ATXN7L1: variants seen among roughly 807,000 people sequenced by gnomAD.
The protein encoded by ATXN7L1 is ataxin 7 like 1.
A neutral mutation model predicts 70.8 loss-of-function variants in ATXN7L1; 15 were observed. The ratio of observed to expected loss-of-function variants is 0.21; its 90% confidence interval spans 0.14 to 0.33. ATXN7L1 has a LOEUF of 0.33. Among genes scored for constraint, ATXN7L1 ranks in the 10% least tolerant of loss-of-function variants. The pLI, the probability that ATXN7L1 is intolerant of heterozygous loss-of-function variation, is 1.00. For missense variants in ATXN7L1, 975 were observed against 1,097.1 expected (o/e 0.89, Z 1.57); for synonymous variants, 440 against 445.1 (o/e 0.99, Z 0.14).
intron 4 of ATXN7L1, among the ~76,000 whole-genome samples, chr7:105,664,166 CT>C (rs2116060026): frequency 6.6e-6 from 1 of 152,182 alleles, no homozygotes; most frequent in East Asian, 1.9e-4. Context: ...AATTAGTTGC[CT>C]CTGCTGGTGG....
At chr7:105,805,167 A>G (rs1807381143) in intron 2 of ATXN7L1, among the ~76,000 whole-genome samples, 1 of 152,240 alleles carries the variant, frequency 6.6e-6, no homozygotes, top group South Asian at 2.1e-4. Flanking sequence ...ATGGGATGGC[A>G]TAAAGTGACA....
At chr7:105,736,600 C>T (rs186936780) in intron 3 of ATXN7L1, among the ~76,000 whole-genome samples, 1 of 152,222 alleles carries the variant, frequency 6.6e-6, no homozygotes, top group African/African-American at 2.4e-5. Flanking sequence ...AAAGTTTGGG[C>T]AAAAAGTCTC....
intron 3 of ATXN7L1, among the ~76,000 whole-genome samples, chr7:105,669,811 C>T (rs962160126): frequency 1.2e-4 from 18 of 150,852 alleles, no homozygotes; most frequent in South Asian, 6.3e-4. Context: ...CCCAGCTACT[C>T]GGGAGGCTGA....
chr7:105,727,777 T>TATATACAC lies in ATXN7L1; in HGVS notation c.355+60826_355+60827insGTGTATAT, dbSNP rs1462125950. Among the ~76,000 whole-genome samples, 72 of 90,198 alleles carry TATATACAC rather than the reference T, an allele frequency of 8.0e-4. 1 individual carries two copies. Among genetic ancestry groups the TATATACAC allele is most frequent in the Admixed American group, 3.0e-3 (26 of 8,722 alleles). The allele number at this position is 90,198 out of a possible 152,430, so 59.2% of individuals were successfully genotyped here. A position where few individuals can be genotyped will look rare whatever the true frequency, so the allele number is the denominator to read the frequency against. ...ATATATATATATATATATATATATA[T>TATATACAC]ACACACACATACACACATATATATA... On this transcript the variant is annotated intron_variant, in intron 3 of 11. Transcript: ENST00000419735.
intron 3 of ATXN7L1, among the ~76,000 whole-genome samples, chr7:105,745,933 C>T (rs967260553): frequency 5.3e-5 from 8 of 152,190 alleles, no homozygotes; most frequent in African/African-American, 1.7e-4. Flanking sequence ...AACATTGACT[C>T]AGCACCTCTA....
chr7:105,788,484 T>C (rs1804649271), intron 3 of ATXN7L1, 120 bp downstream of exon 3: 1 of 811,086 alleles, frequency 1.2e-6, no homozygotes, highest in Non-Finnish European at 2.1e-6. Flanking sequence ...CAGGAAGACT[T>C]TACCCACAGC....
intron 5 of ATXN7L1, 101 bp from the exon 6 acceptor site, chr7:105,639,670 G>T (rs1797887788): frequency 1.3e-6 from 1 of 786,836 alleles, no homozygotes; most frequent in Non-Finnish European, 2.0e-6. Context: ...GCACCAACAA[G>T]TGAGACATTG....
rs190961073 is a variant in ATXN7L1, at chr7:105,605,660, G to A, written c.*2192C>T. 3.2e-4 allele frequency: 49 copies of A among 152,188 alleles called. No individual in the cohort carries two copies. Among genetic ancestry groups the A allele is most frequent in the African/African-American group, 1.2e-3 (49 of 41,524 alleles). The allele number at this position is 152,188 out of a possible 1,614,324, so 9.4% of individuals were successfully genotyped here. A position where few individuals can be genotyped will look rare whatever the true frequency, so the allele number is the denominator to read the frequency against. On this transcript the variant is annotated 3_prime_UTR_variant, in exon 12 of 12. Transcript: ENST00000419735. ...AGTTTATAAATCAGAGGGTTATTTTGTTGTGGAGATTTTGTTTTTTGTTTT... is the reference window on the plus strand; with the variant it reads ...AGTTTATAAATCAGAGGGTTATTTTATTGTGGAGATTTTGTTTTTTGTTTT...
intron 7 of ATXN7L1, among the ~76,000 whole-genome samples, chr7:105,637,982 C>G (rs1797635110): frequency 6.6e-6 from 1 of 152,202 alleles, no homozygotes; most frequent in African/African-American, 2.4e-5. Flanking sequence ...AAAGCCCAGG[C>G]AGCCAGGAAG....
chr7:105,827,429 A>G (rs901325265), intron 2 of ATXN7L1, among the ~76,000 whole-genome samples: 9 of 152,250 alleles, frequency 5.9e-5, no homozygotes, highest in African/African-American at 2.2e-4. Flanking sequence ...GAGTATTCAC[A>G]GTTCAGAGAC....
At chr7:105,803,275 A>G (rs1807086715) in intron 2 of ATXN7L1, among the ~76,000 whole-genome samples, 1 of 152,244 alleles carries the variant, frequency 6.6e-6, no homozygotes, top group Admixed American at 6.5e-5. Flanking sequence ...CATCCACACC[A>G]CAGGGCTCTG....
intron 2 of ATXN7L1, among the ~76,000 whole-genome samples, chr7:105,860,676 TC>T (rs1298674532): frequency 6.6e-6 from 1 of 152,214 alleles, no homozygotes; most frequent in Non-Finnish European, 1.5e-5. Flanking sequence ...CATGTGAATG[TC>T]CTTGACACTA....
At chr7:105,626,714 G>A (rs745728288) in intron 7 of ATXN7L1, among the ~76,000 whole-genome samples, 1 of 151,970 alleles carries the variant, frequency 6.6e-6, no homozygotes, top group Non-Finnish European at 1.5e-5. Context: ...TCTGCTTACC[G>A]CTGAAGACCC....
chr7:105,863,855 AAAAAC>A (rs747626908), intron 2 of ATXN7L1, among the ~76,000 whole-genome samples: 42 of 152,224 alleles, frequency 2.8e-4, no homozygotes, highest in African/African-American at 8.4e-4. Context: ...ATTGTTACTT[AAAAAC>A]AAAACAAAAC....
At chr7:105,867,131 T>C (rs969997687) in intron 2 of ATXN7L1, among the ~76,000 whole-genome samples, 2 of 152,078 alleles carry the variant, frequency 1.3e-5, no homozygotes, top group African/African-American at 2.4e-5. Flanking sequence ...GGCCTCACAG[T>C]CTTAACTGAT....
intron 3 of ATXN7L1, among the ~76,000 whole-genome samples, chr7:105,748,521 T>C (rs1313998892): frequency 6.6e-6 from 1 of 152,244 alleles, no homozygotes; most frequent in Non-Finnish European, 1.5e-5. Flanking sequence ...GGACAGGTCC[T>C]ACGCTATGCC....
At position 105,875,834 on chromosome 7, in the gene ATXN7L1, C is replaced by A; in HGVS notation, c.228G>T (p.Glu76Asp). 2 of 1,613,838 alleles carry A rather than the reference C, an allele frequency of 1.2e-6. No individual in the cohort carries two copies. Among genetic ancestry groups the A allele is most frequent in the Non-Finnish European group, 1.7e-6 (2 of 1,179,866 alleles). The change falls in exon 2 of 12, where the codon GAG becomes GAT. Residue 76 changes from glutamate to aspartate, a missense_variant. Glu to Asp is a conservative substitution (Grantham distance 45). Coordinates refer to ENST00000419735, the MANE Select transcript of ATXN7L1 (RefSeq NM_020725.2). ...TACCTTCTTTATTAAGCCTCATAACCTCCCTGCTTTTTCCACCCTCTTTTC... is the reference window on the plus strand; with the variant it reads ...TACCTTCTTTATTAAGCCTCATAACATCCCTGCTTTTTCCACCCTCTTTTC... ...EAGKEGGKSR[E>D]VMRLNKEDMH...
At chr7:105,609,028 A>C (rs1792925375) in intron 11 of ATXN7L1, among the ~76,000 whole-genome samples, 1 of 151,976 alleles carries the variant, frequency 6.6e-6, no homozygotes, top group Admixed American at 6.5e-5. Context: ...CACACCGACT[A>C]CTCTTATACA....
intron 3 of ATXN7L1, chr7:105,760,893 T>C (rs537090648): frequency 1.9e-5 from 3 of 159,080 alleles, no homozygotes; most frequent in Non-Finnish European, 4.0e-5. Flanking sequence ...TTGACTGGAA[T>C]ATAGACAATG....
Sources: allele counts gnomAD v4.1 joint callset (sites outside exome capture counted in the v4.1 genomes callset), GRCh38; gene constraint gnomAD v4.1.1; transcripts MANE v1.5; gene names NCBI Gene and HGNC (gene_info 2026-07-23, HGNC 2026-07-21).